The following SHROOM3 variants were observed in gnomAD, a reference collection of about 807,000 sequenced individuals.
The protein encoded by SHROOM3 is shroom family member 3, also known as protein Shroom3.
In SHROOM3, 47 loss-of-function variants were observed where a neutral mutation model predicts 138.6. The ratio of observed to expected loss-of-function variants is 0.34; its 90% CI spans 0.27 to 0.43. SHROOM3 has a LOEUF of 0.43. SHROOM3 is among the 20% of genes least tolerant of loss of function. The pLI is 1.00. For synonymous variants in SHROOM3, 1,062 were observed against 1,063.3 expected (o/e 1.00, Z 0.02); for missense variants, 2,491 against 2,596.5 (o/e 0.96, Z 0.88).
At chr4:76,526,303 G>T (rs151148081) in intron 1 of SHROOM3, among the ~76,000 whole-genome samples, 10 of 152,256 alleles carry the variant, frequency 6.6e-5, no homozygotes, top group African/African-American at 2.4e-4. Context: ...GCAGGCAGAG[G>T]TTGCCATGAG....
intron 2 of SHROOM3, among the ~76,000 whole-genome samples, chr4:76,564,181 C>A (rs1733652567): frequency 6.6e-6 from 1 of 152,218 alleles, no homozygotes; most frequent in African/African-American, 2.4e-5. Context: ...AAAGGGCTGG[C>A]AGATGCCTGG....
chr4:76,568,186 C>T (rs1455056465), intron 2 of SHROOM3, among the ~76,000 whole-genome samples: 1 of 152,168 alleles, frequency 6.6e-6, no homozygotes, highest in Non-Finnish European at 1.5e-5. Flanking sequence ...ATTGGTGAGC[C>T]AGCTCCAAGC....
At position 76,741,288 on chromosome 4, in the gene SHROOM3, C is replaced by T. The variant is rs1227264158; in HGVS notation, c.3115C>T (p.Pro1039Ser). 3 of 1,612,020 alleles carry T rather than the reference C, an allele frequency of 1.9e-6. No homozygotes were observed. The highest frequency in any genetic ancestry group is 1.1e-5 in the South Asian group (1 of 91,058). ...GATCGTGGAGGAGGCCGAACCGGCACCCCTGGGCCCGCAGAGAAATGGGAT... is the reference window on the plus strand; with the variant it reads ...GATCGTGGAGGAGGCCGAACCGGCATCCCTGGGCCCGCAGAGAAATGGGAT... ...VGIVEEAEPA[P>S]LGPQRNGMRF... Residue 1039 changes from proline to serine, a missense_variant, in exon 5 of 11, where the codon CCC becomes TCC. This residue lies in a region of SHROOM3 where 1,733 missense variants were observed against 1,661.6 expected (regional missense o/e 1.04). Transcript: ENST00000296043. This position sits in a 1 kb window ranked among gnomAD's most constrained non-coding sequence, Gnocchi z 6.2.
intron 2 of SHROOM3, among the ~76,000 whole-genome samples, chr4:76,608,556 A>ATAGCG (rs1560563111): frequency 1.0e-3 from 81 of 78,676 alleles, no homozygotes; most frequent in Non-Finnish European, 1.8e-3. Flanking sequence ...ATAGCATAGC[A>ATAGCG]TAGCATAGCA....
At chr4:76,465,427 C>T (rs1272771322) in intron 1 of SHROOM3, among the ~76,000 whole-genome samples, 1 of 152,208 alleles carries the variant, frequency 6.6e-6, no homozygotes, top group Non-Finnish European at 1.5e-5. Context: ...GGTATGAAAG[C>T]CATGCCATTC....
chr4:76,648,958 T>A (rs1735895575), intron 2 of SHROOM3, among the ~76,000 whole-genome samples: 1 of 149,940 alleles, frequency 6.7e-6, no homozygotes, highest in Non-Finnish European at 1.5e-5. Context: ...CCCTCAGCCA[T>A]TGATTAAATA....
chr4:76,524,599 A>G (rs1336117507), intron 1 of SHROOM3, among the ~76,000 whole-genome samples: 1 of 152,192 alleles, frequency 6.6e-6, no homozygotes, highest in Non-Finnish European at 1.5e-5. Flanking sequence ...CTCCAGGCAC[A>G]CCTGGATGGG....
intron 5 of SHROOM3, among the ~76,000 whole-genome samples, chr4:76,742,523 C>T (rs1234486486): frequency 6.6e-6 from 1 of 152,118 alleles, no homozygotes; most frequent in Non-Finnish European, 1.5e-5. Flanking sequence ...CGGACTCCCA[C>T]CTCAGCTCTT....
At chr4:76,625,938 T>C (rs1175333838) in intron 2 of SHROOM3, among the ~76,000 whole-genome samples, 1 of 152,244 alleles carries the variant, frequency 6.6e-6, no homozygotes, top group East Asian at 1.9e-4. Flanking sequence ...ACAGCACATA[T>C]TTGTTGAAGG....
chr4:76,632,592 G>C lies in SHROOM3; in HGVS notation c.323+76829G>C, dbSNP rs374121978. Among the ~76,000 whole-genome samples the C allele has an allele frequency of 6.8e-4, 104 of 152,292 alleles. 1 individual carries two copies. The highest frequency in any genetic ancestry group is 2.4e-3 in the African/African-American group (101 of 41,550). ...GGGGAAGAAGGCTGAACTGCAGTGG[G>C]TTGAAGGGAGAATGGGAAATGACAA... On this transcript the variant is annotated intron_variant, in intron 2 of 10. Transcript: ENST00000296043.
rs1721809112 is a variant in SHROOM3, at chr4:76,756,346, GCTT to G, written c.4710-100_4710-98del. The G allele has an allele frequency of 5.9e-6, 8 of 1,366,762 alleles. No individual in the cohort carries two copies. In the South Asian group the frequency reaches 9.1e-5, roughly 15 times the overall value. The allele number at this position is 1,366,762 out of a possible 1,614,324, so 84.7% of individuals were successfully genotyped here. On this transcript the variant is annotated intron_variant, in intron 7 of 10. Transcript: ENST00000296043. The stretch of plus-strand genomic sequence containing the variant: ...GAAAGCTACAGCCCTGATGTGGAAA[GCTT>G]CTCCCTCAGTCTTTCTCCACCCTCT...
chr4:76,525,262 G>T (rs1732665320), intron 1 of SHROOM3, among the ~76,000 whole-genome samples: 1 of 152,260 alleles, frequency 6.6e-6, no homozygotes, highest in South Asian at 2.1e-4. Context: ...TCTTCACAGG[G>T]TGACAGGACA....
chr4:76,534,034 C>T (rs1732887798), intron 1 of SHROOM3, among the ~76,000 whole-genome samples: 1 of 152,056 alleles, frequency 6.6e-6, no homozygotes, highest in Non-Finnish European at 1.5e-5. Context: ...GTTCAAGAGT[C>T]TATGGCATGA....
chr4:76,562,657 T>C (rs1733624301), intron 2 of SHROOM3, among the ~76,000 whole-genome samples: 1 of 152,180 alleles, frequency 6.6e-6, no homozygotes, highest in African/African-American at 2.4e-5. Flanking sequence ...ACCTCCTCAC[T>C]TCCTTCACAC....
intron 1 of SHROOM3, among the ~76,000 whole-genome samples, chr4:76,555,361 T>G (rs2110029452): frequency 6.6e-6 from 1 of 152,248 alleles, no homozygotes; most frequent in Non-Finnish European, 1.5e-5. Flanking sequence ...AACTGAGTTC[T>G]GTCGTTCATT....
At chr4:76,679,793 C>A (rs1486887731) in intron 2 of SHROOM3, among the ~76,000 whole-genome samples, 2 of 152,208 alleles carry the variant, frequency 1.3e-5, no homozygotes, top group African/African-American at 4.8e-5. Context: ...ACATTCTCCT[C>A]GGTGACAAGG....
chr4:76,687,772 G>A (rs1719383326), intron 2 of SHROOM3, among the ~76,000 whole-genome samples: 1 of 152,196 alleles, frequency 6.6e-6, no homozygotes, highest in African/African-American at 2.4e-5. Flanking sequence ...ATGCTGTGTG[G>A]GAGGTGAGAT....
intron 4 of SHROOM3, 99 bp downstream of exon 4, chr4:76,731,034 A>T: frequency 1.4e-6 from 2 of 1,481,000 alleles, no homozygotes; most frequent in South Asian, 1.1e-5. Context: ...GTTTTTTCTT[A>T]TACTCACACT....
At chr4:76,496,681 C>G (rs1037059901) in intron 1 of SHROOM3, among the ~76,000 whole-genome samples, 2 of 152,164 alleles carry the variant, frequency 1.3e-5, no homozygotes, top group Non-Finnish European at 2.9e-5. Flanking sequence ...ATGAAGAGTG[C>G]CATGATATTG....
Sources: allele counts gnomAD v4.1 joint callset (sites outside exome capture counted in the v4.1 genomes callset), GRCh38; gene constraint gnomAD v4.1.1; regional missense constraint gnomAD v4.1.1; non-coding constraint Gnocchi (gnomAD v3.1); transcripts MANE v1.5; gene names NCBI Gene and HGNC (gene_info 2026-07-23, HGNC 2026-07-21).